CLPTM1: variants seen among roughly 807,000 people sequenced by gnomAD.
CLPTM1 encodes putative lipid scramblase CLPTM1.
CLPTM1 carries 21 observed loss-of-function variants against 77.3 expected under a neutral mutation model. That is an observed-to-expected ratio of 0.27 (90% CI 0.19 to 0.39). The LOEUF (loss-of-function observed/expected upper bound fraction) is 0.39, where lower values mean the gene tolerates loss of function less well. CLPTM1 is among the 10% of genes least tolerant of loss of function. The probability of loss-of-function intolerance (pLI) is 1.00; values close to 1 mark genes in which losing one functional copy is unlikely to be tolerated. For synonymous variants in CLPTM1, 373 were observed against 381.0 expected, an observed-to-expected ratio of 0.98 and a Z score of 0.24; for missense variants, 642 against 921.2, an observed-to-expected ratio of 0.70 and a Z score of 3.92.
chr19:44,981,033 A>G (rs909671176), intron 5 of CLPTM1, among the ~76,000 whole-genome samples: 9 of 151,964 alleles, frequency 5.9e-5, no homozygotes, highest in Admixed American at 2.0e-4. Context: ...AGTAGAGACC[A>G]GGTTTCACCG....
intron 5 of CLPTM1, among the ~76,000 whole-genome samples, chr19:44,982,022 C>T (rs868181546): frequency 6.6e-5 from 10 of 152,078 alleles, no homozygotes; most frequent in African/African-American, 2.4e-4. Context: ...AGATATTTTA[C>T]ATTTTTGTTT....
rs374889463 is a variant in CLPTM1, at chr19:44,961,712, G to A, written c.73-251G>A. ...ATGAATCTTTCTCCCCCACCGGGCT[G>A]TTAAACCCCAGGAGGACAGCAAAAG... On this transcript the variant is annotated intron_variant, in intron 1 of 13. Transcript: ENST00000337392. Among the ~76,000 whole-genome samples, 62 of 152,300 alleles carry A rather than the reference G, an allele frequency of 4.1e-4. 1 individual carries two copies. The highest frequency in any genetic ancestry group is 1.4e-3 in the African/African-American group (60 of 41,550).
At chr19:44,986,060 C>T (rs1041138235) in intron 6 of CLPTM1, among the ~76,000 whole-genome samples, 3 of 152,264 alleles carry the variant, frequency 2.0e-5, no homozygotes, top group Admixed American at 6.5e-5. Flanking sequence ...ATTCTGCTGC[C>T]AGGGTTGTCA....
upstream of CLPTM1, chr19:44,955,028 G>A (rs748458194): frequency 1.3e-6 from 2 of 1,535,734 alleles, no homozygotes. Context: ...AAAAGGACGC[G>A]AAGAATCGGC....
At chr19:44,971,893 A>C (rs1478910509) in intron 2 of CLPTM1, among the ~76,000 whole-genome samples, 1 of 84,652 alleles carries the variant, frequency 1.2e-5, no homozygotes, top group South Asian at 4.0e-4. Context: ...TTTTTTTGAG[A>C]TGGAGTCTCA....
At chr19:44,987,638 G>C (rs773035365) in intron 8 of CLPTM1, 1 of 627,414 alleles carries the variant, frequency 1.6e-6, no homozygotes, top group Non-Finnish European at 2.8e-6. Flanking sequence ...AGGCTGTTCT[G>C]TTGGACCCTT....
intron 1 of CLPTM1, among the ~76,000 whole-genome samples, chr19:44,956,289 T>C (rs1340514800): frequency 6.6e-6 from 1 of 152,182 alleles, no homozygotes; most frequent in Non-Finnish European, 1.5e-5. Flanking sequence ...TGTGTGACCT[T>C]GGGCAAGTTC....
At chr19:44,976,103 CCTCAGCCTCTCAA>C (rs1970802263) in intron 4 of CLPTM1, among the ~76,000 whole-genome samples, 1 of 152,174 alleles carries the variant, frequency 6.6e-6, no homozygotes, top group African/African-American at 2.4e-5. Flanking sequence ...GATCCTCTCA[CCTCAGCCTCTCAA>C]AGTGCTGGAA....
chr19:44,964,557 C>G (rs1453617585), intron 2 of CLPTM1, among the ~76,000 whole-genome samples: 1 of 151,994 alleles, frequency 6.6e-6, no homozygotes, highest in Non-Finnish European at 1.5e-5. Flanking sequence ...GTGATCCACC[C>G]GCCTCAGCCT....
rs747200431 is a variant in CLPTM1 at position 44,993,002 on chromosome 19, G to C, written c.*105G>C. On this transcript the variant is annotated 3_prime_UTR_variant, in exon 14 of 14. Coordinates refer to ENST00000337392, the MANE Select transcript of CLPTM1 (RefSeq NM_001294.4). ...GCCCTTTCCCTGGACAGATCAGGCCGGGGCGGTGGGAGGCCCGCCTCAGGT... is the reference window on the plus strand; with the variant it reads ...GCCCTTTCCCTGGACAGATCAGGCCCGGGCGGTGGGAGGCCCGCCTCAGGT... 1 of 1,395,558 alleles carries C rather than the reference G, an allele frequency of 7.2e-7. No individual in the cohort carries two copies. The highest frequency in any genetic ancestry group is 9.9e-7 in the Non-Finnish European group (1 of 1,015,046). 86.4% of individuals were successfully genotyped at this position (1,395,558 alleles called of 1,614,324 possible).
intron 7 of CLPTM1, 136 bp from the exon 8 acceptor site, chr19:44,987,043 T>G: frequency 8.5e-7 from 1 of 1,179,300 alleles, no homozygotes; most frequent in Non-Finnish European, 1.2e-6. Flanking sequence ...TAGCTCCTCA[T>G]GGTGTGGCCT....
chr19:44,986,000 C>T (rs1460380906), intron 6 of CLPTM1, among the ~76,000 whole-genome samples: 2 of 152,126 alleles, frequency 1.3e-5, no homozygotes, highest in Non-Finnish European at 2.9e-5. Context: ...GGCGGAATCT[C>T]TAAGCCTAGG....
chr19:44,957,090 G>GC (rs1413802321), intron 1 of CLPTM1, among the ~76,000 whole-genome samples: 2 of 152,226 alleles, frequency 1.3e-5, no homozygotes, highest in African/African-American at 2.4e-5. Flanking sequence ...TGTTCCAAGA[G>GC]CAGGGGGGCA....
At chr19:44,959,940 C>T (rs1260720028) in intron 1 of CLPTM1, among the ~76,000 whole-genome samples, 2 of 152,156 alleles carry the variant, frequency 1.3e-5, no homozygotes. Flanking sequence ...CCATCACTAA[C>T]GGGTAAGCGA....
chr19:44,990,107 G>A lies in CLPTM1; in HGVS notation c.1133-288G>A, dbSNP rs1457435790. ...TAGCACCTGGCACGTGGTGAGCCCT[G>A]TCCATGGCACCAGTCACCGTCACCA... is the stretch of plus-strand genomic sequence containing the variant. On this transcript the variant is annotated intron_variant, in intron 9 of 13. Coordinates refer to ENST00000337392, the MANE Select transcript of CLPTM1 (RefSeq NM_001294.4). The surrounding 1 kb of genome is among the most constrained non-coding windows in gnomAD (Gnocchi z 4.8). 4.5e-6 allele frequency: 2 copies of A among 447,246 alleles called. No homozygotes were observed. The highest frequency in any genetic ancestry group is 8.0e-6 in the Non-Finnish European group (2 of 249,614). 27.7% of individuals were successfully genotyped at this position (447,246 alleles called of 1,614,324 possible).
At position 44,991,354 on chromosome 19, in the gene CLPTM1, C is replaced by T. The variant is rs772647840; in HGVS notation, c.1536C>T (p.Tyr512=). Residue 512 remains tyrosine (Y), a synonymous_variant, in exon 12 of 14, where the codon TAC becomes TAT. Coordinates refer to ENST00000337392, the MANE Select transcript of CLPTM1 (RefSeq NM_001294.4). The surrounding 1 kb of genome is among the most constrained non-coding windows in gnomAD (Gnocchi z 5.4). ...GWYSWVLSML[Y]GFLLTFGFIT... ...ACTCCTGGGTGCTCAGCATGCTCTA[C>T]GGCTTCCTGCTGACCTTCGGTGAGC... 36 of 1,613,216 alleles carry T rather than the reference C, an allele frequency of 2.2e-5. No individual in the cohort carries two copies. The highest frequency in any genetic ancestry group is 5.5e-5 in the South Asian group (5 of 91,078).
At chr19:44,959,593 G>T (rs1350070343) in intron 1 of CLPTM1, among the ~76,000 whole-genome samples, 3 of 151,980 alleles carry the variant, frequency 2.0e-5, no homozygotes, top group Non-Finnish European at 4.4e-5. Flanking sequence ...GGCTCAAGCA[G>T]TCTTCCTGCC....
At chr19:44,972,069 C>T (rs978752645) in intron 2 of CLPTM1, among the ~76,000 whole-genome samples, 1 of 151,602 alleles carries the variant, frequency 6.6e-6, no homozygotes, top group Non-Finnish European at 1.5e-5. Context: ...CAGGGTTTCA[C>T]CATGTTGGCC....
intron 2 of CLPTM1, among the ~76,000 whole-genome samples, chr19:44,965,476 G>A (rs768490211): frequency 2.7e-5 from 4 of 149,914 alleles, no homozygotes; most frequent in Non-Finnish European, 4.4e-5. Context: ...CAAGCCTGGC[G>A]ACAGAGCAAG....
Sources: gnomAD v4.1 joint callset for allele counts (sites outside exome capture counted in the v4.1 genomes callset) on GRCh38, gnomAD v4.1.1 for gene constraint, Gnocchi (gnomAD v3.1) non-coding constraint, MANE v1.5 for transcripts, NCBI Gene and HGNC (gene_info 2026-07-23, HGNC 2026-07-21) for gene names.